CACNA1I: variants seen among roughly 807,000 people sequenced by gnomAD.
The protein encoded by CACNA1I is voltage-dependent T-type calcium channel subunit alpha-1I.
A neutral mutation model predicts 201.6 loss-of-function variants in CACNA1I; 74 were observed. The ratio of observed to expected loss-of-function variants is 0.37; its 90% confidence interval spans 0.30 to 0.45. The LOEUF (loss-of-function observed/expected upper bound fraction) is 0.45, where lower values mean the gene tolerates loss of function less well. Among genes scored for constraint, CACNA1I ranks in the 20% least tolerant of loss-of-function variants. The pLI, the probability that CACNA1I is intolerant of heterozygous loss-of-function variation, is 1.00. For synonymous variants in CACNA1I, 1,431 were observed against 1,345.2 expected, an observed-to-expected ratio of 1.06 and a Z score of -1.40; for missense variants, 2,346 against 3,138.1, an observed-to-expected ratio of 0.75 and a Z score of 6.03.
intron 3 of CACNA1I, among the ~76,000 whole-genome samples, chr22:39,610,427 A>C (rs533555846): frequency 6.6e-6 from 1 of 152,060 alleles, no homozygotes; most frequent in South Asian, 2.1e-4. Flanking sequence ...TGTTTTTCTC[A>C]TTTGCATATG....
chr22:39,622,549 G>A (rs1933777099), intron 4 of CACNA1I, among the ~76,000 whole-genome samples: 1 of 149,538 alleles, frequency 6.7e-6, no homozygotes, highest in Non-Finnish European at 1.5e-5. Context: ...AGCATAGGAA[G>A]AGGTTAGCAA....
chr22:39,670,281 G>T, intron 25 of CACNA1I, 51 bp downstream of exon 25: 2 of 1,567,298 alleles, frequency 1.3e-6, no homozygotes, highest in Non-Finnish European at 1.7e-6. Flanking sequence ...AAGCCCTTCT[G>T]CCTGGGCCTG....
At position 39,582,854 on chromosome 22, in the gene CACNA1I, G is replaced by A. The variant is rs185473898; in HGVS notation, c.236+11866G>A. ...CCTTCTTTGCTTCATCACTCCATCC[G>A]TTCATCCAACCATCCATCTATCCAT... On this transcript the variant is annotated intron_variant, in intron 1 of 36. Transcript: ENST00000402142. Among the ~76,000 whole-genome samples the A allele has an allele frequency of 3.8e-4, 53 of 140,500 alleles. 1 individual carries two copies. In the Middle Eastern group the frequency reaches 0.011, roughly 28 times the overall value. 92.2% of individuals were successfully genotyped at this position (140,500 alleles called of 152,430 possible).
chr22:39,595,183 G>A (rs1221611804), intron 1 of CACNA1I, among the ~76,000 whole-genome samples: 2 of 151,984 alleles, frequency 1.3e-5, no homozygotes, highest in Non-Finnish European at 2.9e-5. Flanking sequence ...CAGCTGCTCA[G>A]GAGGTTGAGG....
intron 1 of CACNA1I, among the ~76,000 whole-genome samples, chr22:39,571,298 ATCAG>A (rs1932175146): frequency 6.6e-6 from 1 of 152,098 alleles, no homozygotes; most frequent in East Asian, 1.9e-4. Context: ...GGGAATGCAG[ATCAG>A]TCAGACTCTG....
chr22:39,605,007 G>A (rs537581802), intron 3 of CACNA1I, among the ~76,000 whole-genome samples: 6 of 152,120 alleles, frequency 3.9e-5, no homozygotes, highest in African/African-American at 1.4e-4. Context: ...CGTGGGTGGA[G>A]AGGACAGGAT....
chr22:39,617,081 C>G (rs576697507), intron 3 of CACNA1I, among the ~76,000 whole-genome samples: 2 of 152,174 alleles, frequency 1.3e-5, no homozygotes, highest in Non-Finnish European at 2.9e-5. Flanking sequence ...ATAATGGGCC[C>G]GCGCTCAAAT....
At chr22:39,670,739 C>T in intron 25 of CACNA1I, 64 bp from the exon 26 acceptor site, 2 of 1,521,994 alleles carry the variant, frequency 1.3e-6, no homozygotes, top group East Asian at 2.3e-5. Context: ...CCTTTGTGCT[C>T]TGTGCCCTTT....
Position 39,598,220 on chromosome 22 carries a change from C to G in CACNA1I, c.306C>G (p.Cys102Trp). The G allele has an allele frequency of 6.2e-7, 1 of 1,607,790 alleles. No individual in the cohort carries two copies. The highest frequency in any genetic ancestry group is 1.1e-5 in the South Asian group (1 of 89,922). Residue 102 changes from cysteine (C) to tryptophan (W), a missense_variant, in exon 2 of 37, where the codon TGC becomes TGG. Cys to Trp is a radical substitution (Grantham distance 215, BLOSUM62 -2). Around this residue, in one of 13 missense-constraint regions of CACNA1I, gnomAD observed 130 missense variants for 160.7 expected, o/e 0.81. Transcript: ENST00000402142. The part of the protein sequence containing the change: ...NCVTLGMYQP[C>W]DDMDCLSDRC... The stretch of plus-strand genomic sequence containing the variant: ...TGACACTTGGCATGTACCAGCCGTG[C>G]GACGACATGGACTGCCTGTCCGACC...
intron 1 of CACNA1I, among the ~76,000 whole-genome samples, chr22:39,572,876 C>T (rs1932232009): frequency 6.6e-6 from 1 of 152,118 alleles, no homozygotes; most frequent in South Asian, 2.1e-4. Context: ...CCTGCCTCAG[C>T]CTCCCGAGTA....
At position 39,670,934 on chromosome 22, in the gene CACNA1I, G is replaced by T; in HGVS notation, c.4519G>T (p.Glu1507Ter). 6.2e-7 allele frequency: 1 copy of T among 1,613,870 alleles called. No individual in the cohort carries two copies. Among genetic ancestry groups the T allele is most frequent in the Non-Finnish European group, 8.5e-7 (1 of 1,179,848 alleles). The change falls in exon 26 of 37, where the codon GAG becomes TAG. Residue 1507 changes from glutamate (E) to a stop codon, truncating the protein, a stop_gained. Coordinates refer to ENST00000402142, the MANE Select transcript of CACNA1I (RefSeq NM_021096.4). LOFTEE classifies it high-confidence loss of function. ...ICLNVVTMSL[E>*]HYNQPTSLET... The stretch of plus-strand genomic sequence containing the variant: ...CCTCAACGTGGTCACCATGTCCCTG[G>T]AGCACTACAATCAGCCCACGGTGAG...
chr22:39,648,019 C>T lies in CACNA1I; in HGVS notation c.1567+93C>T, dbSNP rs748896766. ...AGAAGGAAGTCGGCAGGCATGGGGACGGCGCTTGAGCAGCCGCGACCCTCT... is the reference window on the plus strand; with the variant it reads ...AGAAGGAAGTCGGCAGGCATGGGGATGGCGCTTGAGCAGCCGCGACCCTCT... On this transcript the variant is annotated intron_variant, in intron 9 of 36. Transcript: ENST00000402142. The surrounding 1 kb of genome is among the most constrained non-coding windows in gnomAD (Gnocchi z 5.4). The T allele has an allele frequency of 3.2e-5, 37 of 1,157,990 alleles. No individual in the cohort carries two copies. The highest frequency in any genetic ancestry group is 9.1e-5 in the African/African-American group (6 of 65,652). The allele number at this position is 1,157,990 out of a possible 1,614,324, so 71.7% of individuals were successfully genotyped here.
Position 39,678,978 on chromosome 22 carries a change from A to G in CACNA1I, c.5056-129A>G, listed in dbSNP as rs371720939. The G allele has an allele frequency of 1.8e-4, 121 of 681,732 alleles. 1 individual carries two copies. Among genetic ancestry groups the G allele is most frequent in the African/African-American group, 1.5e-3 (82 of 54,684 alleles). 42.2% of individuals were successfully genotyped at this position (681,732 alleles called of 1,614,324 possible). On this transcript the variant is annotated intron_variant, in intron 31 of 36. Coordinates refer to ENST00000402142, the MANE Select transcript of CACNA1I (RefSeq NM_021096.4). ...GCAACAAGGCAGAGTGGGGCAGGGC[A>G]GCCCGGGGCCATCTCGGGGGTTGAA... is the stretch of plus-strand genomic sequence containing the variant.
rs1014466309 is a variant in CACNA1I, at chr22:39,661,847, C to T, written c.2902-118C>T. On this transcript the variant is annotated intron_variant, in intron 16 of 36. Transcript: ENST00000402142. ...CTAGGGTCAAGCCCATTCCATCACC[C>T]GCTGGCCAGGTGGGTGGTCTTAGAG... The T allele has an allele frequency of 6.5e-6, 4 of 613,008 alleles. No homozygotes were observed. The African/African-American group carries it at 7.9e-5, about 12-fold the overall frequency. The allele number at this position is 613,008 out of a possible 1,614,324, so 38.0% of individuals were successfully genotyped here.
intron 33 of CACNA1I, 44 bp from the exon 34 acceptor site, chr22:39,680,886 C>A: frequency 6.3e-7 from 1 of 1,584,136 alleles, no homozygotes; most frequent in East Asian, 2.2e-5. Flanking sequence ...CAGGTCTGCC[C>A]ATCCCAAACC....
At position 39,627,259 on chromosome 22, in the gene CACNA1I, G is replaced by A. The variant is rs1933924887; in HGVS notation, c.581-7306G>A. 2.0e-5 allele frequency among the ~76,000 whole-genome samples: 3 copies of A among 152,360 alleles called. No individual in the cohort carries two copies. The South Asian group carries it at 6.2e-4, about 32-fold the overall frequency. ...TCCATCTCCCCCCTCAGCCTGGTCT[G>A]CTCCAGACCTCTGAGTGCCTTTCAC... On this transcript the variant is annotated intron_variant, in intron 4 of 36. Transcript: ENST00000402142.
intron 24 of CACNA1I, 99 bp downstream of exon 24, chr22:39,668,480 C>G: frequency 2.7e-6 from 2 of 740,812 alleles, no homozygotes; most frequent in Middle Eastern, 2.3e-4. Flanking sequence ...CAATGAGTTC[C>G]ACAGCCCCAG....
At position 39,684,816 on chromosome 22, in the gene CACNA1I, G is replaced by C. The variant is rs1298233252; in HGVS notation, c.6027+318G>C. 3.6e-6 allele frequency: 2 copies of C among 560,726 alleles called. No homozygotes were observed. Among genetic ancestry groups the C allele is most frequent in the African/African-American group, 1.9e-5 (1 of 53,336 alleles). 34.7% of individuals were successfully genotyped at this position (560,726 alleles called of 1,614,324 possible). On this transcript the variant is annotated intron_variant, in intron 36 of 36. Coordinates refer to ENST00000402142, the MANE Select transcript of CACNA1I (RefSeq NM_021096.4). The surrounding 1 kb of genome is among the most constrained non-coding windows in gnomAD (Gnocchi z 4.6). The stretch of plus-strand genomic sequence containing the variant: ...GAGGAGGAGTACTGGAGGTTTTGCA[G>C]GGTGGCGGGGTGCTGGCAGTGGGGA...
chr22:39,603,637 C>T (rs570144841), intron 3 of CACNA1I, among the ~76,000 whole-genome samples: 2 of 152,132 alleles, frequency 1.3e-5, no homozygotes, highest in South Asian at 2.1e-4. Flanking sequence ...AGTCTTTTCA[C>T]GATTCTGGAA....
Sources: allele counts gnomAD v4.1 joint callset (sites outside exome capture counted in the v4.1 genomes callset), GRCh38; gene constraint gnomAD v4.1.1; regional missense constraint gnomAD v4.1.1; non-coding constraint Gnocchi (gnomAD v3.1); transcripts MANE v1.5; gene names NCBI Gene and HGNC (gene_info 2026-07-23, HGNC 2026-07-21).